The following OR2V1 variants were observed in gnomAD, a reference collection of about 807,000 sequenced individuals.
The protein encoded by OR2V1 is olfactory receptor family 2 subfamily V member 1, also known as olfactory receptor 2V1.
OR2V1 carries 18 observed loss-of-function variants against 15.0 expected under a neutral mutation model. The ratio of observed to expected loss-of-function variants is 1.20; its 90% CI spans 0.83 to 1.78. The LOEUF (loss-of-function observed/expected upper bound fraction) is 1.78, where lower values mean the gene tolerates loss of function less well. Ranked by LOEUF, OR2V1 falls within the 40% of genes most tolerant of loss-of-function variation. OR2V1 has a pLI of 0.00. For missense variants in OR2V1, 359 were observed against 392.9 expected (o/e 0.91, Z 0.73); for synonymous variants, 144 against 146.1 (o/e 0.99, Z 0.10).
In OR2V1 at chr5:181,125,202, C is replaced by A; in HGVS notation, c.103G>T (p.Val35Phe). ...DLVLFSAVMV[V>F]FTVALCGNVL... Reference sequence around the variant, plus strand: ...TTCCCACAGAGGGCCACTGTGAAGACCACCATAACTGCAGAGAAGAGGACA... The same window carrying A: ...TTCCCACAGAGGGCCACTGTGAAGAACACCATAACTGCAGAGAAGAGGACA... Residue 35 changes from valine to phenylalanine, a missense_variant, in exon 4 of 4, where the codon GTC becomes TTC. Val to Phe is a conservative substitution (Grantham distance 50). Transcript: ENST00000641551. The A allele has an allele frequency of 6.2e-7, 1 of 1,614,106 alleles. No individual in the cohort carries two copies. Among genetic ancestry groups the A allele is most frequent in the South Asian group, 1.1e-5 (1 of 91,080 alleles).
chr5:181,126,870 C>T (rs1762880228), intron 3 of OR2V1, among the ~76,000 whole-genome samples: 1 of 152,210 alleles, frequency 6.6e-6, no homozygotes, highest in Non-Finnish European at 1.5e-5. Flanking sequence ...CCCCTCGGGC[C>T]CCTCCCTTGC....
chr5:181,130,031 G>A (rs1016981334), intron 2 of OR2V1, 142 bp downstream of exon 2: 14 of 396,396 alleles, frequency 3.5e-5, no homozygotes, highest in East Asian at 2.1e-4. Flanking sequence ...ACACCCACAC[G>A]AAACAGTTAC....
chr5:181,128,044 C>T (rs746970587), intron 3 of OR2V1, among the ~76,000 whole-genome samples: 14 of 152,098 alleles, frequency 9.2e-5, no homozygotes, highest in Non-Finnish European at 1.9e-4. Flanking sequence ...AGCTGTGTCA[C>T]GGGCTTGTTC....
Position 181,124,029 on chromosome 5 carries a change from A to G in OR2V1, c.*328T>C. 1 of 222,218 alleles carries G rather than the reference A, an allele frequency of 4.5e-6. No individual in the cohort carries two copies. The highest frequency in any genetic ancestry group is 8.7e-6 in the Non-Finnish European group (1 of 115,276). 13.8% of individuals were successfully genotyped at this position (222,218 alleles called of 1,614,324 possible). ...CAGAAAAACACAAAAAATAAAATAA[A>G]GAAAATAAAAAATAGAGTAAATTTA... On this transcript the variant is annotated 3_prime_UTR_variant, in exon 4 of 4. Transcript: ENST00000641551.
intron 3 of OR2V1, among the ~76,000 whole-genome samples, chr5:181,128,824 A>G (rs111307532): frequency 0.014 from 2,060 of 152,184 alleles, 55 homozygotes; most frequent in African/African-American, 0.047. Flanking sequence ...TGCTTTCCCA[A>G]CTAGAACCCG....
chr5:181,128,834 G>A (rs6862552), intron 3 of OR2V1, among the ~76,000 whole-genome samples: 80,686 of 152,094 alleles, frequency 0.53, 21,777 homozygotes, highest in Middle Eastern at 0.64. Flanking sequence ...ACTAGAACCC[G>A]TGTTCCCCGG....
chr5:181,125,036 C>T lies in OR2V1; in HGVS notation c.269G>A (p.Arg90Lys), dbSNP rs772161976. The T allele has an allele frequency of 1.2e-6, 2 of 1,614,238 alleles. No individual in the cohort carries two copies. The highest frequency in any genetic ancestry group is 1.1e-5 in the South Asian group (1 of 91,088). Reference protein sequence around the residue: ...PKMAANFLSGRKSISFVGCGI... With the variant: ...PKMAANFLSGKKSISFVGCGI... Reference sequence around the variant, plus strand: ...ACAGCCCACAAAGGAGATGGACTTCCTGCCAGACAGGAAGTTGGCTGCCAT... The same window carrying T: ...ACAGCCCACAAAGGAGATGGACTTCTTGCCAGACAGGAAGTTGGCTGCCAT... The change falls in exon 4 of 4, where the codon AGG becomes AAG. Residue 90 changes from arginine to lysine, a missense_variant. By Grantham distance (26) the Arg-to-Lys change is conservative. Coordinates refer to ENST00000641551, the MANE Select transcript of OR2V1 (RefSeq NM_001258283.2).
Position 181,125,340 on chromosome 5 carries a change from G to A in OR2V1, c.-21-15C>T. 1 of 1,565,222 alleles carries A rather than the reference G, an allele frequency of 6.4e-7. No homozygotes were observed. The highest frequency in any genetic ancestry group is 8.7e-7 in the Non-Finnish European group (1 of 1,148,662). On this transcript the variant is annotated splice_polypyrimidine_tract_variant and intron_variant, in intron 3 of 3. Transcript: ENST00000641551. ...TTCACTGTCACCTGAGAACATAAGA[G>A]AAATTATAAGATTGAGTGACATGTC...
At position 181,130,116 on chromosome 5, in the gene OR2V1, T is replaced by C. The variant is rs1251454284; in HGVS notation, c.-78+57A>G. 192 of 395,232 alleles carry C rather than the reference T, an allele frequency of 4.9e-4. 2 individuals carry two copies. The highest frequency in any genetic ancestry group is 7.4e-4 in the Non-Finnish European group (167 of 225,400). 24.5% of individuals were successfully genotyped at this position (395,232 alleles called of 1,614,324 possible). Reference sequence around the variant, plus strand: ...GATAAATGGGGACGTGAACCAGCAATGGGAGCAGGAGCTGCAGGGAAGAGA... The same window carrying C: ...GATAAATGGGGACGTGAACCAGCAACGGGAGCAGGAGCTGCAGGGAAGAGA... On this transcript the variant is annotated intron_variant, in intron 2 of 3. Coordinates refer to ENST00000641551, the MANE Select transcript of OR2V1 (RefSeq NM_001258283.2).
rs1274525118 is a variant in OR2V1, at chr5:181,125,003, T to C, written c.302A>G (p.Gln101Arg). The C allele has an allele frequency of 6.2e-7, 1 of 1,614,100 alleles. No individual in the cohort carries two copies. Among genetic ancestry groups the C allele is most frequent in the Non-Finnish European group, 8.5e-7 (1 of 1,180,032 alleles). Residue 101 changes from glutamine to arginine, a missense_variant, in exon 4 of 4, where the codon CAA becomes CGA. Physicochemically the swap from Gln to Arg is conservative, Grantham distance 43. Transcript: ENST00000641551. ...CACAAGAGAGACAAAAAAGCCAATT[T>C]GTATGCCACAGCCCACAAAGGAGAT... ...KSISFVGCGI[Q>R]IGFFVSLVGS...
intron 3 of OR2V1, among the ~76,000 whole-genome samples, chr5:181,126,824 G>GGACACACA (rs1016405014): frequency 1.3e-5 from 2 of 152,010 alleles, no homozygotes; most frequent in African/African-American, 4.8e-5. Flanking sequence ...ATGGACACAC[G>GGACACACA]GAAATACACA....
rs1762833563 is a variant in OR2V1 at position 181,123,884 on chromosome 5, C to G, written c.*473G>C. On this transcript the variant is annotated 3_prime_UTR_variant, in exon 4 of 4. Transcript: ENST00000641551. ...ACTTAAGATATCCACATTTGTTAGT[C>G]TAAGTCATCAATTAAATAATTTAGA... 6.6e-6 allele frequency: 1 copy of G among 152,544 alleles called. No individual in the cohort carries two copies. Among genetic ancestry groups the G allele is most frequent in the Non-Finnish European group, 1.5e-5 (1 of 68,362 alleles). 9.4% of individuals were successfully genotyped at this position (152,544 alleles called of 1,614,324 possible). A position where few individuals can be genotyped will look rare whatever the true frequency, so the allele number is the denominator to read the frequency against.
At chr5:181,128,497 C>T (rs1762915187) in intron 3 of OR2V1, among the ~76,000 whole-genome samples, 1 of 152,230 alleles carries the variant, frequency 6.6e-6, no homozygotes, top group South Asian at 2.1e-4. Context: ...CCTCCACCAC[C>T]ACCCACGCCT....
In OR2V1 at chr5:181,125,161, G is replaced by A. The variant is rs1762857282; in HGVS notation, c.144C>T (p.Phe48=). The change falls in exon 4 of 4, where the codon TTC becomes TTT. Residue 48 remains phenylalanine (F), a synonymous_variant. Transcript: ENST00000641551. The stretch of plus-strand genomic sequence containing the variant: ...GAAGTCCAGCGTCCAGGTAGATGAG[G>A]AAGATGAGGAGGACATTCCCACAGA... ...VALCGNVLLI[F]LIYLDAGLHT... The A allele has an allele frequency of 1.2e-6, 2 of 1,614,126 alleles. No individual in the cohort carries two copies. Among genetic ancestry groups the A allele is most frequent in the South Asian group, 2.2e-5 (2 of 91,072 alleles).
chr5:181,128,223 C>A (rs1220737780), intron 3 of OR2V1, among the ~76,000 whole-genome samples: 1 of 150,902 alleles, frequency 6.6e-6, no homozygotes, highest in Admixed American at 6.6e-5. Context: ...CACACACACG[C>A]CCCAAACATC....
Position 181,124,270 on chromosome 5 carries a change from GA to G in OR2V1, c.*86del. The G allele has an allele frequency of 2.4e-6, 3 of 1,254,480 alleles. No individual in the cohort carries two copies. The highest frequency in any genetic ancestry group is 3.2e-6 in the Non-Finnish European group (3 of 936,178). 77.7% of individuals were successfully genotyped at this position (1,254,480 alleles called of 1,614,324 possible). A position where few individuals can be genotyped will look rare whatever the true frequency, so the allele number is the denominator to read the frequency against. ...AACCATCCAATGACCATCAACAGGT[GA>G]ATGGAAACAGACACTCACAAAGGTT... On this transcript the variant is annotated 3_prime_UTR_variant, in exon 4 of 4. Coordinates refer to ENST00000641551, the MANE Select transcript of OR2V1 (RefSeq NM_001258283.2).
At chr5:181,128,737 C>T (rs55977436) in intron 3 of OR2V1, among the ~76,000 whole-genome samples, 4,964 of 152,258 alleles carry the variant, frequency 0.033, 208 homozygotes, top group African/African-American at 0.097. Flanking sequence ...TCTTCTGCCT[C>T]CCTTCCCTGC....
chr5:181,126,511 T>C (rs1480929280), intron 3 of OR2V1, among the ~76,000 whole-genome samples: 1 of 138,390 alleles, frequency 7.2e-6, no homozygotes, highest in Non-Finnish European at 1.6e-5. Flanking sequence ...CAGACAGACA[T>C]ATAGACACAC....
At chr5:181,128,540 C>T (rs550455542) in intron 3 of OR2V1, among the ~76,000 whole-genome samples, 21 of 152,330 alleles carry the variant, frequency 1.4e-4, no homozygotes, top group Middle Eastern at 3.4e-3. Context: ...CCCTCCATGC[C>T]GGTCTCCCTG....
Sources: allele counts gnomAD v4.1 joint callset (sites outside exome capture counted in the v4.1 genomes callset), GRCh38; gene constraint gnomAD v4.1.1; transcripts MANE v1.5; gene names NCBI Gene and HGNC (gene_info 2026-07-23, HGNC 2026-07-21).